The following STXBP5L variants were observed in gnomAD, a reference collection of about 807,000 sequenced individuals.
STXBP5L encodes the protein syntaxin binding protein 5L.
A neutral mutation model predicts 144.5 loss-of-function variants in STXBP5L; 65 were observed. The observed-to-expected ratio is 0.45, with a 90% CI of 0.37 to 0.55. The LOEUF is 0.55. Among genes scored for constraint, STXBP5L ranks in the 20% least tolerant of loss-of-function variants. The pLI is 0.00. For missense variants in STXBP5L, 1,298 were observed against 1,405.5 expected (o/e 0.92, Z 1.22); for synonymous variants, 505 against 469.6 (o/e 1.08, Z -0.97).
intron 5 of STXBP5L, among the ~76,000 whole-genome samples, chr3:121,095,959 G>A (rs1213097978): frequency 6.6e-6 from 1 of 152,136 alleles, no homozygotes; most frequent in Non-Finnish European, 1.5e-5. Flanking sequence ...TACAGATGGG[G>A]TTTTGGTGTG....
At chr3:121,325,823 C>T (rs1470275713) in intron 20 of STXBP5L, among the ~76,000 whole-genome samples, 1 of 151,684 alleles carries the variant, frequency 6.6e-6, no homozygotes, top group East Asian at 1.9e-4. Context: ...CTATGTAATA[C>T]TATTATTGTT....
chr3:121,141,434 A>G (rs1311135086), intron 7 of STXBP5L, among the ~76,000 whole-genome samples: 3 of 152,172 alleles, frequency 2.0e-5, no homozygotes, highest in Admixed American at 6.6e-5. Flanking sequence ...CTTATTGCTA[A>G]GGGTAAATAT....
intron 5 of STXBP5L, among the ~76,000 whole-genome samples, chr3:121,072,430 TGTC>T (rs2041846539): frequency 6.6e-6 from 1 of 152,230 alleles, no homozygotes; most frequent in Admixed American, 6.5e-5. Flanking sequence ...CACATAGAAA[TGTC>T]GTCCTATAAG....
chr3:121,173,415 C>G (rs777277085), intron 9 of STXBP5L, among the ~76,000 whole-genome samples: 3 of 151,618 alleles, frequency 2.0e-5, no homozygotes, highest in Admixed American at 6.6e-5. Flanking sequence ...TTTAAATTAA[C>G]AACTTTTATT....
chr3:121,301,919 G>T (rs548489362), intron 19 of STXBP5L, among the ~76,000 whole-genome samples: 2 of 152,130 alleles, frequency 1.3e-5, no homozygotes, highest in Non-Finnish European at 2.9e-5. Context: ...GTGGATAAGC[G>T]TTTTGATGTA....
intron 5 of STXBP5L, among the ~76,000 whole-genome samples, chr3:121,112,691 A>T (rs947973293): frequency 6.6e-6 from 1 of 152,098 alleles, no homozygotes; most frequent in African/African-American, 2.4e-5. Flanking sequence ...ATGGAAAGCT[A>T]AGGATATCTT....
intron 7 of STXBP5L, among the ~76,000 whole-genome samples, chr3:121,148,097 T>C (rs1181430934): frequency 6.6e-6 from 1 of 152,138 alleles, no homozygotes; most frequent in Non-Finnish European, 1.5e-5. Context: ...ATAATAAATA[T>C]CTTTTTCTAT....
intron 3 of STXBP5L, among the ~76,000 whole-genome samples, chr3:121,017,928 A>C (rs1468303579): frequency 6.6e-6 from 1 of 152,016 alleles, no homozygotes; most frequent in Non-Finnish European, 1.5e-5. Flanking sequence ...AAAACCAAAA[A>C]AATAGCCATG....
chr3:121,082,916 G>A (rs1450836334), intron 5 of STXBP5L, among the ~76,000 whole-genome samples: 2 of 152,100 alleles, frequency 1.3e-5, no homozygotes, highest in Non-Finnish European at 2.9e-5. Context: ...TTTTACATTT[G>A]GGCTGGGCGT....
At chr3:121,131,521 G>C (rs3914743) in intron 7 of STXBP5L, among the ~76,000 whole-genome samples, 57,002 of 152,046 alleles carry the variant, frequency 0.37, 10,892 homozygotes, top group Non-Finnish European at 0.4. Context: ...TGGCCTGCCT[G>C]TTATTATTTT....
intron 7 of STXBP5L, among the ~76,000 whole-genome samples, chr3:121,151,996 T>C (rs1213450393): frequency 6.6e-6 from 1 of 152,008 alleles, no homozygotes; most frequent in African/African-American, 2.4e-5. Flanking sequence ...TAGAATAACT[T>C]TATAATCTTC....
intron 3 of STXBP5L, among the ~76,000 whole-genome samples, chr3:121,016,725 A>G (rs1448559278): frequency 1.3e-5 from 2 of 152,218 alleles, no homozygotes; most frequent in African/African-American, 4.8e-5. Flanking sequence ...TAATGTAGCA[A>G]ACTCACATGA....
At chr3:121,344,367 A>C (rs541187949) in intron 20 of STXBP5L, among the ~76,000 whole-genome samples, 1 of 152,274 alleles carries the variant, frequency 6.6e-6, no homozygotes, top group Admixed American at 6.5e-5. Context: ...AAACACCAAA[A>C]GCAATGGCAA....
intron 5 of STXBP5L, among the ~76,000 whole-genome samples, chr3:121,091,953 T>C (rs2042825529): frequency 6.6e-6 from 1 of 152,184 alleles, no homozygotes; most frequent in Non-Finnish European, 1.5e-5. Context: ...AATTTTTGTA[T>C]AAGGTGTAAG....
chr3:121,381,283 A>G lies in STXBP5L; in HGVS notation c.2348-10A>G, dbSNP rs747788492. 5 of 1,575,492 alleles carry G rather than the reference A, an allele frequency of 3.2e-6. No homozygotes were observed. The highest frequency in any genetic ancestry group is 3.4e-6 in the Non-Finnish European group (4 of 1,165,644). ...CAATTTGTGTGGTTTTTTTTTATTT[A>G]TTTCCATAGAAAACCGAGAAAATTC... is the stretch of plus-strand genomic sequence containing the variant. On this transcript the variant is annotated splice_polypyrimidine_tract_variant and intron_variant, in intron 21 of 26. Coordinates refer to ENST00000471454, the MANE Select transcript of STXBP5L (RefSeq NM_001308330.2).
chr3:121,118,204 A>G (rs983084142), intron 6 of STXBP5L, among the ~76,000 whole-genome samples: 1 of 151,716 alleles, frequency 6.6e-6, no homozygotes, highest in African/African-American at 2.4e-5. Context: ...TTAAATAAAA[A>G]GGCAATTACA....
intron 3 of STXBP5L, among the ~76,000 whole-genome samples, chr3:120,989,025 A>G (rs916400003): frequency 6.6e-6 from 1 of 152,130 alleles, no homozygotes; most frequent in Non-Finnish European, 1.5e-5. Context: ...ATAATATTCC[A>G]TGGAATATAT....
intron 3 of STXBP5L, among the ~76,000 whole-genome samples, chr3:120,962,838 G>A (rs914774437): frequency 6.6e-6 from 1 of 152,110 alleles, no homozygotes; most frequent in Non-Finnish European, 1.5e-5. Context: ...TGATGGGGAT[G>A]GCATTGAATC....
chr3:121,400,709 C>T (rs1360239559), intron 22 of STXBP5L, among the ~76,000 whole-genome samples: 1 of 152,178 alleles, frequency 6.6e-6, no homozygotes, highest in Non-Finnish European at 1.5e-5. Context: ...AGAATGTGCT[C>T]CCTCAGGTCT....
Sources: allele counts gnomAD v4.1 joint callset (sites outside exome capture counted in the v4.1 genomes callset), GRCh38; gene constraint gnomAD v4.1.1; transcripts MANE v1.5; gene names NCBI Gene and HGNC (gene_info 2026-07-23, HGNC 2026-07-21).